DOCK1: variants seen among roughly 807,000 people sequenced by gnomAD.
DOCK1 encodes the protein dedicator of cytokinesis 1, also known as dedicator of cytokinesis protein 1.
A neutral mutation model predicts 262.7 loss-of-function variants in DOCK1; 138 were observed. The observed-to-expected ratio is 0.53, with a 90% CI of 0.46 to 0.61. DOCK1 has a LOEUF of 0.61. DOCK1 is among the 20% of genes least tolerant of loss of function. The pLI is 0.00. For missense variants in DOCK1, 1,908 were observed against 2,370.7 expected (o/e 0.80, Z 4.05); for synonymous variants, 866 against 867.4 (o/e 1.00, Z 0.03).
At chr10:127,157,714 T>C (rs2053219039) in intron 27 of DOCK1, among the ~76,000 whole-genome samples, 1 of 152,222 alleles carries the variant, frequency 6.6e-6, no homozygotes, top group African/African-American at 2.4e-5. Flanking sequence ...TCTAAATATA[T>C]GTATGTTTCT....
chr10:127,239,556 G>A (rs2059189719), intron 27 of DOCK1, among the ~76,000 whole-genome samples: 1 of 152,086 alleles, frequency 6.6e-6, no homozygotes, highest in Non-Finnish European at 1.5e-5. Context: ...CTAAGAAAGA[G>A]TTTCAACTTT....
intron 32 of DOCK1, among the ~76,000 whole-genome samples, chr10:127,359,143 CA>C (rs60352979): frequency 2.5e-3 from 356 of 141,912 alleles, no homozygotes; most frequent in Non-Finnish European, 2.3e-3. Flanking sequence ...ATGCAAATGT[CA>C]AAAAAAAAAA....
In DOCK1 at chr10:127,034,885, A is replaced by T. The variant is rs141905072; in HGVS notation, c.1912+2565A>T. Among the ~76,000 whole-genome samples, 15 of 152,266 alleles carry T rather than the reference A, an allele frequency of 9.9e-5. No individual in the cohort carries two copies. In the East Asian group the frequency reaches 2.7e-3, roughly 28 times the overall value. On this transcript the variant is annotated intron_variant, in intron 18 of 51. Coordinates refer to ENST00000623213, the MANE Select transcript of DOCK1 (RefSeq NM_001290223.2). ...TGGAGAAAGGGGACTGTGGACCAGG[A>T]CATCCCCCCGGGGGGTGGGGTCAGT... is the stretch of plus-strand genomic sequence containing the variant.
rs373970662 is a variant in DOCK1, at chr10:127,178,162, C to T, written c.2847+50398C>T. 7.9e-5 allele frequency among the ~76,000 whole-genome samples: 12 copies of T among 152,358 alleles called. No individual in the cohort carries two copies. The South Asian group carries it at 2.1e-3, about 26-fold the overall frequency. On this transcript the variant is annotated intron_variant, in intron 27 of 51. Transcript: ENST00000623213. ...GACTAGCCCTCTATTAAAATGACCT[C>T]TATGTCTCAGGCCAGCCTGGTCTTG...
chr10:127,451,296 GT>G, intron 51 of DOCK1, 35 bp from the exon 52 acceptor site: 1 of 1,562,174 alleles, frequency 6.4e-7, no homozygotes, highest in Non-Finnish European at 8.7e-7. Flanking sequence ...CAGGACATCA[GT>G]TATGTGACAT....
Position 127,354,446 on chromosome 10 carries a change from G to T in DOCK1, c.3225-223G>T, listed in dbSNP as rs1430709188. ...CACAAGTTCCTCCACGTTCCCACCGGGGGGAAGATGTTGTGTAACCCTCAG... is the reference window on the plus strand; with the variant it reads ...CACAAGTTCCTCCACGTTCCCACCGTGGGGAAGATGTTGTGTAACCCTCAG... On this transcript the variant is annotated intron_variant, in intron 31 of 51. Transcript: ENST00000623213. Among the ~76,000 whole-genome samples, 3 of 152,206 alleles carry T rather than the reference G, an allele frequency of 2.0e-5. No individual in the cohort carries two copies. The South Asian group carries it at 6.2e-4, about 31-fold the overall frequency.
chr10:127,024,706 G>A lies in DOCK1; in HGVS notation c.1474G>A (p.Gly492Ser), dbSNP rs1360356480. 1 of 1,611,794 alleles carries A rather than the reference G, an allele frequency of 6.2e-7. No individual in the cohort carries two copies. The highest frequency in any genetic ancestry group is 1.3e-5 in the African/African-American group (1 of 74,872). Residue 492 changes from glycine to serine, a missense_variant, in exon 15 of 52, where the codon GGT becomes AGT. Gly to Ser is a moderately conservative substitution (Grantham distance 56). Around this residue, in one of 9 missense-constraint regions of DOCK1, gnomAD observed 294 missense variants for 439.9 expected, o/e 0.67. Transcript: ENST00000623213. ...AAAGCATGTGATTTTCCCGGGTGCT[G>A]GTGATGAAGCGATTTCAGAGTACAA... ...RLEHVIFPGA[G>S]DEAISEYKSV...
chr10:126,926,435 A>G (rs943286689), intron 1 of DOCK1, among the ~76,000 whole-genome samples: 2 of 152,170 alleles, frequency 1.3e-5, no homozygotes, highest in African/African-American at 4.8e-5. Context: ...GTATTTTCAT[A>G]TATTTACATG....
chr10:127,240,580 CAT>C (rs2059229726), intron 27 of DOCK1, among the ~76,000 whole-genome samples: 1 of 152,110 alleles, frequency 6.6e-6, no homozygotes, highest in African/African-American at 2.4e-5. Context: ...TAAAACGTGA[CAT>C]ACTTTTTGAG....
At chr10:126,921,641 A>G (rs1205012387) in intron 1 of DOCK1, among the ~76,000 whole-genome samples, 1 of 151,890 alleles carries the variant, frequency 6.6e-6, no homozygotes, top group Non-Finnish European at 1.5e-5. Context: ...TGAGAGAGAG[A>G]GAGACAGAGA....
At position 127,184,903 on chromosome 10, in the gene DOCK1, C is replaced by T. The variant is rs187051043; in HGVS notation, c.2847+57139C>T. On this transcript the variant is annotated intron_variant, in intron 27 of 51. Coordinates refer to ENST00000623213, the MANE Select transcript of DOCK1 (RefSeq NM_001290223.2). ...ACTGAACAGTGCATGCCTGGGGTGA[C>T]CTAGGCACCATACTGGATGCTGGGC... Among the ~76,000 whole-genome samples, 5 of 152,266 alleles carry T rather than the reference C, an allele frequency of 3.3e-5. No individual in the cohort carries two copies. The East Asian group carries it at 5.8e-4, about 18-fold the overall frequency.
At chr10:126,929,964 C>CTTTT (rs1402524393) in intron 1 of DOCK1, among the ~76,000 whole-genome samples, 1 of 152,050 alleles carries the variant, frequency 6.6e-6, no homozygotes, top group Admixed American at 6.6e-5. Context: ...GCAGTTTCTT[C>CTTTT]TTTTTTTTCC....
rs75083482 is a variant in DOCK1, at chr10:127,412,933, C to T, written c.4428+2009C>T. On this transcript the variant is annotated intron_variant, in intron 43 of 51. Transcript: ENST00000623213. ...CCTATTTGTTGGTGAACCCAGCACC[C>T]TGGACCTCCTCCAGGACTGGTCACT... Among the ~76,000 whole-genome samples the T allele has an allele frequency of 3.3e-5, 5 of 152,374 alleles. No individual in the cohort carries two copies. In the East Asian group the frequency reaches 7.7e-4, roughly 24 times the overall value.
At chr10:127,205,914 A>G (rs1261813850) in intron 27 of DOCK1, among the ~76,000 whole-genome samples, 1 of 152,190 alleles carries the variant, frequency 6.6e-6, no homozygotes, top group East Asian at 1.9e-4. Context: ...TAAAAGAGTT[A>G]TCATCTATGG....
chr10:127,036,640 A>T (rs903414552), intron 18 of DOCK1, among the ~76,000 whole-genome samples: 2 of 152,084 alleles, frequency 1.3e-5, no homozygotes, highest in African/African-American at 4.8e-5. Flanking sequence ...AGGCATATGT[A>T]CTTTCCTAGA....
chr10:127,095,006 C>CTGGT lies in DOCK1; in HGVS notation c.2446-11224_2446-11221dup, dbSNP rs1337429134. Among the ~76,000 whole-genome samples the CTGGT allele has an allele frequency of 1.1e-4, 16 of 152,318 alleles. 1 individual carries two copies. In the South Asian group the frequency reaches 3.3e-3, roughly 32 times the overall value. ...GAGCCACTTTAGCTAGATGACTGTG[C>CTGGT]TGGTATCAAGTGAAAAAACAAAAAG... On this transcript the variant is annotated intron_variant, in intron 23 of 51. Coordinates refer to ENST00000623213, the MANE Select transcript of DOCK1 (RefSeq NM_001290223.2).
At chr10:127,000,551 T>A (rs2040508782) in intron 10 of DOCK1, 1 of 483,618 alleles carries the variant, frequency 2.1e-6, no homozygotes, top group Non-Finnish European at 3.5e-6. Flanking sequence ...GGATCCCATC[T>A]TTCCCTGGGA....
chr10:127,321,717 C>T (rs7083352), intron 29 of DOCK1, among the ~76,000 whole-genome samples: 28,585 of 148,564 alleles, frequency 0.19, 3,115 homozygotes, highest in African/African-American at 0.35. Flanking sequence ...CCAAACCCCT[C>T]CCCCCGCCGC....
intron 3 of DOCK1, among the ~76,000 whole-genome samples, chr10:126,979,753 A>T (rs9664585): frequency 0.27 from 40,914 of 152,002 alleles, 6,172 homozygotes; most frequent in East Asian, 0.63. Context: ...CAAGCTTTAC[A>T]GAGATTATAA....
Sources: gnomAD v4.1 joint callset for allele counts (sites outside exome capture counted in the v4.1 genomes callset) on GRCh38, gnomAD v4.1.1 for gene constraint, gnomAD v4.1.1 regional missense constraint, MANE v1.5 for transcripts, NCBI Gene and HGNC (gene_info 2026-07-23, HGNC 2026-07-21) for gene names.